Variants in MUSK observed in about 807,000 individuals in gnomAD.
MUSK encodes the protein muscle associated receptor tyrosine kinase, also known as muscle, skeletal receptor tyrosine-protein kinase.
In MUSK, 55 loss-of-function variants were observed where a neutral mutation model predicts 88.7. The ratio of observed to expected loss-of-function variants is 0.62; its 90% confidence interval spans 0.50 to 0.78. The LOEUF is 0.78. Among genes scored for constraint, MUSK ranks in the 30% least tolerant of loss-of-function variants. The probability of loss-of-function intolerance (pLI) is 0.00; values close to 1 mark genes in which losing one functional copy is unlikely to be tolerated. For missense variants in MUSK, 1,015 were observed against 1,074.3 expected (o/e 0.94, Z 0.77); for synonymous variants, 387 against 391.9 (o/e 0.99, Z 0.15).
intron 14 of MUSK, among the ~76,000 whole-genome samples, 180 bp from the exon 15 acceptor site, chr9:110,800,126 T>G (rs1203053777): frequency 6.6e-6 from 1 of 152,178 alleles, no homozygotes; most frequent in East Asian, 1.9e-4. Flanking sequence ...GTGCATTTCC[T>G]AGCTGAGACT....
In MUSK at chr9:110,787,850, C is replaced by A. The variant is rs2077902142; in HGVS notation, c.1927+12C>A. 1 of 1,604,578 alleles carries A rather than the reference C, an allele frequency of 6.2e-7. No individual in the cohort carries two copies. Among genetic ancestry groups the A allele is most frequent in the African/African-American group, 1.3e-5 (1 of 74,826 alleles). On this transcript the variant is annotated intron_variant, in intron 14 of 14. Transcript: ENST00000374448. ...TGTGAAGCTATTAGGTATGAAAATA[C>A]AAGTGAGGATATGTATTTCATCAGA... is the stretch of plus-strand genomic sequence containing the variant.
chr9:110,759,156 A>G (rs2077365040), intron 7 of MUSK, among the ~76,000 whole-genome samples: 1 of 152,224 alleles, frequency 6.6e-6, no homozygotes, highest in Non-Finnish European at 1.5e-5. Context: ...GGAAGAGAAT[A>G]GAGAGCTCAG....
intron 4 of MUSK, among the ~76,000 whole-genome samples, chr9:110,696,284 A>G (rs1437774234): frequency 6.6e-6 from 1 of 151,988 alleles, no homozygotes; most frequent in Non-Finnish European, 1.5e-5. Context: ...TCTCAAAAAA[A>G]AAAAAAGTTA....
At chr9:110,719,906 T>C (rs571924202) in intron 5 of MUSK, among the ~76,000 whole-genome samples, 91 of 151,966 alleles carry the variant, frequency 6.0e-4, no homozygotes, top group African/African-American at 2.1e-3. Context: ...CACACCACAG[T>C]GAAATAAAAC....
intron 5 of MUSK, among the ~76,000 whole-genome samples, chr9:110,716,405 C>T (rs1266316799): frequency 6.7e-6 from 1 of 149,800 alleles, no homozygotes; most frequent in East Asian, 1.9e-4. Context: ...TAATAGAAAG[C>T]TCAGGAAATT....
At chr9:110,758,122 C>T (rs1429184780) in intron 7 of MUSK, among the ~76,000 whole-genome samples, 1 of 152,030 alleles carries the variant, frequency 6.6e-6, no homozygotes, top group Non-Finnish European at 1.5e-5. Flanking sequence ...TGCCATAACG[C>T]CCAGCTAATT....
chr9:110,681,030 TATATATTATATA>T, intron 1 of MUSK, among the ~76,000 whole-genome samples: 1 of 10,862 alleles, frequency 9.2e-5, no homozygotes, highest in Non-Finnish European at 1.8e-4. Context: ...TATTATATAT[TATATATTATATA>T]ATATATATTA....
Position 110,728,750 on chromosome 9 carries a change from T to G in MUSK, c.629-5501T>G, listed in dbSNP as rs114766491. The G allele has an allele frequency of 1.7e-3, 2,662 of 1,546,764 alleles. 35 individuals carry two copies. The African/African-American group carries it at 0.033, about 19-fold the overall frequency. On this transcript the variant is annotated intron_variant, in intron 5 of 14. Coordinates refer to ENST00000374448, the MANE Select transcript of MUSK (RefSeq NM_005592.4). Reference sequence around the variant, plus strand: ...TTTTTCTTTCTGCATGGCTTCTTTTTAATTGTGTAGCTCTTTTCAATTGTT... The same window carrying G: ...TTTTTCTTTCTGCATGGCTTCTTTTGAATTGTGTAGCTCTTTTCAATTGTT...
chr9:110,759,146 G>GGCAGT (rs1410907994), intron 7 of MUSK, among the ~76,000 whole-genome samples: 4 of 152,120 alleles, frequency 2.6e-5, no homozygotes, highest in African/African-American at 9.7e-5. Context: ...ATAGACCACT[G>GGCAGT]GAAGAGAATA....
intron 3 of MUSK, among the ~76,000 whole-genome samples, chr9:110,694,426 A>G (rs1020932759): frequency 9.3e-5 from 14 of 150,336 alleles, no homozygotes; most frequent in Non-Finnish European, 1.9e-4. Context: ...AAAACCCAAC[A>G]GGTCATGAAG....
At chr9:110,689,722 A>ATATATAAATATATAACTATATATAGTTG (rs2076275669) in intron 3 of MUSK, among the ~76,000 whole-genome samples, 1 of 77,326 alleles carries the variant, frequency 1.3e-5, no homozygotes, top group Non-Finnish European at 2.1e-5. Context: ...TATATATGTT[A>ATATATAAATATATAACTATATATAGTTG]TATATAGTTT....
At position 110,687,121 on chromosome 9, in the gene MUSK, T is replaced by G. The variant is rs2076206609; in HGVS notation, c.211T>G (p.Phe71Val). 2.5e-6 allele frequency: 4 copies of G among 1,612,874 alleles called. No homozygotes were observed. The East Asian group carries it at 8.9e-5, about 36-fold the overall frequency. ...WTRNKILIKL[F>V]DTRYSIRENG... ...ATTTTTTTCTGTGACCTGCAGACTC[T>G]TTGACACCCGGTACAGCATCCGGGA... Residue 71 changes from phenylalanine to valine, a missense_variant, in exon 3 of 15, where the codon TTT becomes GTT. By Grantham distance (50) the Phe-to-Val change is conservative. Transcript: ENST00000374448.
intron 2 of MUSK, 68 bp from the exon 3 acceptor site, chr9:110,687,049 A>T (rs2076204817): frequency 6.6e-7 from 1 of 1,518,954 alleles, no homozygotes; most frequent in African/African-American, 1.4e-5. Flanking sequence ...CATCGGTTTG[A>T]TACATTAATC....
intron 7 of MUSK, among the ~76,000 whole-genome samples, chr9:110,750,934 TC>T (rs781291161): frequency 3.3e-5 from 5 of 152,334 alleles, no homozygotes; most frequent in African/African-American, 4.8e-5. Flanking sequence ...ATTTTTAATC[TC>T]CCTACCTTCC....
At chr9:110,771,767 A>G (rs545482148) in intron 9 of MUSK, among the ~76,000 whole-genome samples, 1 of 152,312 alleles carries the variant, frequency 6.6e-6, no homozygotes, top group African/African-American at 2.4e-5. Flanking sequence ...CAGACTCATC[A>G]GCCACAACAA....
intron 13 of MUSK, among the ~76,000 whole-genome samples, chr9:110,786,555 A>G (rs548644316): frequency 6.6e-6 from 1 of 152,230 alleles, no homozygotes; most frequent in Non-Finnish European, 1.5e-5. Context: ...TTTCCTTTTC[A>G]GGAAAGAATT....
chr9:110,744,408 T>TG (rs1305893654), intron 6 of MUSK, among the ~76,000 whole-genome samples: 1 of 152,192 alleles, frequency 6.6e-6, no homozygotes, highest in Non-Finnish European at 1.5e-5. Context: ...TATCCATAGC[T>TG]GGGGGTGGAT....
intron 3 of MUSK, 77 bp from the exon 4 acceptor site, chr9:110,695,326 T>C (rs2076417501): frequency 9.6e-7 from 1 of 1,043,132 alleles, no homozygotes; most frequent in South Asian, 2.1e-5. Context: ...ATGTTTAGAA[T>C]TAAATTGAAA....
At chr9:110,682,832 T>G in intron 2 of MUSK, 32 bp downstream of exon 2, 1 of 1,553,114 alleles carries the variant, frequency 6.4e-7, no homozygotes, top group South Asian at 1.1e-5. Context: ...TTTTTTAAAT[T>G]TTTGTGGGTA....
Sources: allele counts gnomAD v4.1 joint callset (sites outside exome capture counted in the v4.1 genomes callset), GRCh38; gene constraint gnomAD v4.1.1; transcripts MANE v1.5; gene names NCBI Gene and HGNC (gene_info 2026-07-23, HGNC 2026-07-21).